The following SDK1 variants were observed in gnomAD, a reference collection of about 807,000 sequenced individuals.
The protein encoded by SDK1 is protein sidekick-1.
SDK1 carries 157 observed loss-of-function variants against 245.5 expected under a neutral mutation model. That is an observed-to-expected ratio of 0.64 (90% CI 0.56 to 0.73). The LOEUF (loss-of-function observed/expected upper bound fraction) is 0.73, where lower values mean the gene tolerates loss of function less well. Among genes scored for constraint, SDK1 ranks in the 30% least tolerant of loss-of-function variants. The pLI is 0.00. For missense variants in SDK1, 3,583 were observed against 3,002.3 expected, an observed-to-expected ratio of 1.19 and a Z score of -4.52; for synonymous variants, 1,647 against 1,278.5, an observed-to-expected ratio of 1.29 and a Z score of -6.15.
chr7:3,556,636 C>G (rs1779595119), intron 1 of SDK1, among the ~76,000 whole-genome samples: 2 of 151,774 alleles, frequency 1.3e-5, no homozygotes, highest in African/African-American at 4.8e-5. Context: ...GTCTGGCGAA[C>G]CTGGTGAAAC....
chr7:4,245,627 AG>A, intron 43 of SDK1, 48 bp from the exon 44 acceptor site: 1 of 1,598,020 alleles, frequency 6.3e-7, no homozygotes, highest in Non-Finnish European at 8.6e-7. Flanking sequence ...CCTCCGGGGA[AG>A]GGCGTCTTTT....
chr7:3,550,773 A>C (rs1779378281), intron 1 of SDK1, among the ~76,000 whole-genome samples: 1 of 152,186 alleles, frequency 6.6e-6, no homozygotes, highest in Non-Finnish European at 1.5e-5. Flanking sequence ...CAATGAAAAG[A>C]TTTCTTTTAA....
chr7:3,649,928 C>T (rs956289697), intron 4 of SDK1, among the ~76,000 whole-genome samples: 2 of 151,932 alleles, frequency 1.3e-5, no homozygotes, highest in African/African-American at 4.8e-5. Context: ...GAGACTCTGA[C>T]CCTGTATCCC....
At position 4,168,407 on chromosome 7, in the gene SDK1, C is replaced by T. The variant is rs527488343; in HGVS notation, c.4801-5815C>T. Reference sequence around the variant, plus strand: ...TCTTATAGCTCTAAATCATCTCATTCGCCTAGGCTAGAAATATCTGTGAGT... The same window carrying T: ...TCTTATAGCTCTAAATCATCTCATTTGCCTAGGCTAGAAATATCTGTGAGT... On this transcript the variant is annotated intron_variant, in intron 32 of 44. Coordinates refer to ENST00000404826, the MANE Select transcript of SDK1 (RefSeq NM_152744.4). 2.6e-5 allele frequency among the ~76,000 whole-genome samples: 4 copies of T among 152,346 alleles called. No individual in the cohort carries two copies. In the South Asian group the frequency reaches 6.2e-4, roughly 24 times the overall value.
chr7:3,614,771 C>A (rs1483486578), intron 1 of SDK1, among the ~76,000 whole-genome samples: 1 of 152,256 alleles, frequency 6.6e-6, no homozygotes, highest in South Asian at 2.1e-4. Flanking sequence ...TTAATTTGAA[C>A]GCTTAAAATT....
At chr7:3,596,571 C>G (rs1353861584) in intron 1 of SDK1, among the ~76,000 whole-genome samples, 1 of 152,218 alleles carries the variant, frequency 6.6e-6, no homozygotes, top group African/African-American at 2.4e-5. Flanking sequence ...AGATGAACGT[C>G]TCCATCACCC....
rs1170802915 is a variant in SDK1 at position 4,077,026 on chromosome 7, C to T, written c.3039C>T (p.Gly1013=). 1.2e-6 allele frequency: 2 copies of T among 1,614,124 alleles called. No homozygotes were observed. Among genetic ancestry groups the T allele is most frequent in the South Asian group, 1.1e-5 (1 of 91,080 alleles). The change falls in exon 21 of 45, where the codon GGC becomes GGT. Residue 1013 remains glycine, a synonymous_variant. Coordinates refer to ENST00000404826, the MANE Select transcript of SDK1 (RefSeq NM_152744.4). The part of the protein sequence containing the change: ...TGYQISWEVY[G]RNDSRLTHTL... Reference sequence around the variant, plus strand: ...ATCAGATCTCTTGGGAAGTGTACGGCAGGAACGACTCTCGTCTCACGCACA... The same window carrying T: ...ATCAGATCTCTTGGGAAGTGTACGGTAGGAACGACTCTCGTCTCACGCACA...
chr7:3,645,411 T>G (rs1782799811), intron 4 of SDK1, among the ~76,000 whole-genome samples: 1 of 152,176 alleles, frequency 6.6e-6, no homozygotes, highest in Admixed American at 6.5e-5. Flanking sequence ...TCACCCCAAG[T>G]CTATTAAGTA....
Position 3,531,856 on chromosome 7 carries a change from TA to T in SDK1, c.299-87219del, listed in dbSNP as rs150975270. Among the ~76,000 whole-genome samples, 476 of 152,320 alleles carry T rather than the reference TA, an allele frequency of 3.1e-3. 5 individuals are homozygous for T. The East Asian group carries it at 0.047, about 15-fold the overall frequency. ...CATAAGGAATACTTTGCGGTTCAGG[TA>T]AAAATAAGCTGTCTAGAAATTAAGT... On this transcript the variant is annotated intron_variant, in intron 1 of 44. Coordinates refer to ENST00000404826, the MANE Select transcript of SDK1 (RefSeq NM_152744.4).
At chr7:3,958,163 G>A (rs751344735) in intron 7 of SDK1, 9 of 353,162 alleles carry the variant, frequency 2.5e-5, no homozygotes, top group South Asian at 4.3e-5. Flanking sequence ...ATTAATTATC[G>A]CACAGAAAGT....
intron 13 of SDK1, among the ~76,000 whole-genome samples, chr7:3,980,939 CAAA>C (rs35657695): frequency 7.0e-6 from 1 of 142,566 alleles, no homozygotes; most frequent in Non-Finnish European, 1.5e-5. Context: ...GACTCCATCT[CAAA>C]AAAAAAAAAG....
At chr7:3,559,495 G>T (rs1779684126) in intron 1 of SDK1, among the ~76,000 whole-genome samples, 1 of 152,034 alleles carries the variant, frequency 6.6e-6, no homozygotes, top group African/African-American at 2.4e-5. Flanking sequence ...TAAGTGCCAG[G>T]ATACTTAGAA....
At position 3,332,777 on chromosome 7, in the gene SDK1, T is replaced by C. The variant is rs185136148; in HGVS notation, c.298+30893T>C. Among the ~76,000 whole-genome samples, 1,348 of 152,216 alleles carry C rather than the reference T, an allele frequency of 8.9e-3. 10 individuals are homozygous for C. The highest frequency in any genetic ancestry group is 0.013 in the Non-Finnish European group (876 of 68,010). ...GCTTCTAGTTCCAGATAACTTCTTT[T>C]CCCCCCAGGAATAGATACAGAAAAT... is the stretch of plus-strand genomic sequence containing the variant. On this transcript the variant is annotated intron_variant, in intron 1 of 44. Transcript: ENST00000404826.
At chr7:3,715,575 C>T (rs1305887860) in intron 4 of SDK1, among the ~76,000 whole-genome samples, 2 of 152,148 alleles carry the variant, frequency 1.3e-5, no homozygotes, top group African/African-American at 4.8e-5. Context: ...CCCTACAGAA[C>T]AAAGGAGACC....
At chr7:3,631,258 T>G (rs527776696) in intron 2 of SDK1, among the ~76,000 whole-genome samples, 1 of 152,302 alleles carries the variant, frequency 6.6e-6, no homozygotes, top group South Asian at 2.1e-4. Flanking sequence ...TTTTATTTTC[T>G]TTTAATCTAT....
Position 4,267,893 on chromosome 7 carries a change from C to G in SDK1, c.*2509C>G, listed in dbSNP as rs2128246816. 3.0e-6 allele frequency: 3 copies of G among 985,496 alleles called. No individual in the cohort carries two copies. The highest frequency in any genetic ancestry group is 3.6e-6 in the Non-Finnish European group (3 of 830,006). 61.0% of individuals were successfully genotyped at this position (985,496 alleles called of 1,614,324 possible). Reference sequence around the variant, plus strand: ...TCGGAGGGACTCTGTCCCATGAGAACCACCTGTGCAAAGGAACAGAGCTGG... The same window carrying G: ...TCGGAGGGACTCTGTCCCATGAGAAGCACCTGTGCAAAGGAACAGAGCTGG... On this transcript the variant is annotated 3_prime_UTR_variant, in exon 45 of 45. Transcript: ENST00000404826.
rs535805549 is a variant in SDK1 at position 4,221,161 on chromosome 7, C to G, written c.5702-78C>G. 90 of 1,556,074 alleles carry G rather than the reference C, an allele frequency of 5.8e-5. 1 individual carries two copies. The highest frequency in any genetic ancestry group is 3.8e-4 in the South Asian group (33 of 87,678). ...TGCAGCCTCGACCGGTCTGACCCCC[C>G]ACTGTGAAATCTCACGGGGTGGGAT... On this transcript the variant is annotated intron_variant, in intron 39 of 44. Transcript: ENST00000404826.
chr7:4,062,023 C>A (rs1406346190), intron 19 of SDK1, among the ~76,000 whole-genome samples: 1 of 149,802 alleles, frequency 6.7e-6, no homozygotes, highest in Non-Finnish European at 1.5e-5. Context: ...AGGAGATATA[C>A]CTAATGCTAA....
chr7:3,495,500 C>T (rs934158837), intron 1 of SDK1, among the ~76,000 whole-genome samples: 7 of 152,182 alleles, frequency 4.6e-5, no homozygotes, highest in African/African-American at 1.4e-4. Flanking sequence ...CTCAAGAGAT[C>T]CTCCCGCCTC....
Sources: gnomAD v4.1 joint callset for allele counts (sites outside exome capture counted in the v4.1 genomes callset) on GRCh38, gnomAD v4.1.1 for gene constraint, MANE v1.5 for transcripts, NCBI Gene and HGNC (gene_info 2026-07-23, HGNC 2026-07-21) for gene names.